MEGF9: variants seen among roughly 807,000 people sequenced by gnomAD.
MEGF9 encodes the protein multiple EGF like domains 9, also known as multiple epidermal growth factor-like domains protein 9.
Under a neutral mutation model 46.8 loss-of-function variants are expected in MEGF9, and 6 were observed. That is an observed-to-expected ratio of 0.13 (90% confidence interval 0.07 to 0.25). The LOEUF is 0.25. MEGF9 is among the 10% of genes least tolerant of loss of function. The pLI, the probability that MEGF9 is intolerant of heterozygous loss-of-function variation, is 1.00. For missense variants in MEGF9, 683 were observed against 792.4 expected, an observed-to-expected ratio of 0.86 and a Z score of 1.66; for synonymous variants, 302 against 330.7, an observed-to-expected ratio of 0.91 and a Z score of 0.94.
intron 3 of MEGF9, among the ~76,000 whole-genome samples, chr9:120,617,651 A>C (rs765330560): frequency 5.3e-5 from 8 of 152,238 alleles, no homozygotes; most frequent in Non-Finnish European, 1.0e-4. Context: ...TTACATTTTA[A>C]AAAGATTGCT....
intron 3 of MEGF9, among the ~76,000 whole-genome samples, chr9:120,619,711 T>C (rs1375727538): frequency 6.6e-6 from 1 of 152,236 alleles, no homozygotes; most frequent in African/African-American, 2.4e-5. Flanking sequence ...TTTAGAATTC[T>C]TTCCTTAGAA....
At chr9:120,699,380 T>C (rs2043892532) in intron 1 of MEGF9, among the ~76,000 whole-genome samples, 1 of 152,114 alleles carries the variant, frequency 6.6e-6, no homozygotes, top group Non-Finnish European at 1.5e-5. Context: ...TTTCATTTTC[T>C]ACAATGTTTA....
Position 120,604,202 on chromosome 9 carries a change from A to C in MEGF9, c.*988T>G, listed in dbSNP as rs1249188564. On this transcript the variant is annotated 3_prime_UTR_variant, in exon 6 of 6. Transcript: ENST00000373930. ...TATAACTCTACTTTTAGACTGAGAA[A>C]GGAAAGAAAGAAACATTCGACCTCT... 4 of 152,684 alleles carry C rather than the reference A, an allele frequency of 2.6e-5. No individual in the cohort carries two copies. Among genetic ancestry groups the C allele is most frequent in the Non-Finnish European group, 4.4e-5 (3 of 68,020 alleles). The allele number at this position is 152,684 out of a possible 1,614,324, so 9.5% of individuals were successfully genotyped here. A position where few individuals can be genotyped will look rare whatever the true frequency, so the allele number is the denominator to read the frequency against.
At chr9:120,673,657 C>A (rs1402303205) in intron 1 of MEGF9, among the ~76,000 whole-genome samples, 1 of 151,596 alleles carries the variant, frequency 6.6e-6, no homozygotes, top group Non-Finnish European at 1.5e-5. Context: ...TTGACATAAA[C>A]CACACCTTGT....
chr9:120,650,232 A>G (rs1216967494), intron 2 of MEGF9, among the ~76,000 whole-genome samples: 1 of 152,190 alleles, frequency 6.6e-6, no homozygotes, highest in African/African-American at 2.4e-5. Flanking sequence ...CCTCAAATCA[A>G]TGTGCAATTG....
chr9:120,696,615 A>G (rs1221295602), intron 1 of MEGF9, among the ~76,000 whole-genome samples: 2 of 152,218 alleles, frequency 1.3e-5, no homozygotes, highest in African/African-American at 4.8e-5. Context: ...TTTGAAGGAA[A>G]ATATAAGCCA....
intron 3 of MEGF9, among the ~76,000 whole-genome samples, chr9:120,615,289 ATG>A (rs953496588): frequency 7.3e-6 from 1 of 137,272 alleles, no homozygotes; most frequent in Non-Finnish European, 1.5e-5. Flanking sequence ...GTGTGTGTGC[ATG>A]TGTGTGTACA....
Position 120,605,310 on chromosome 9 carries a change from G to A in MEGF9, c.1689C>T (p.Ser563=), listed in dbSNP as rs1343847345. The A allele has an allele frequency of 2.5e-6, 4 of 1,613,896 alleles. No homozygotes were observed. Among genetic ancestry groups the A allele is most frequent in the East Asian group, 4.5e-5 (2 of 44,900 alleles). The change falls in exon 6 of 6, where the codon AGC becomes AGT. Residue 563 remains serine, a synonymous_variant. Transcript: ENST00000373930. The surrounding 1 kb of genome is among the most constrained non-coding windows in gnomAD (Gnocchi z 4.0). ...CATTGGGAATGCTGTCATGGTAGCT[G>A]CTGAAACTGATATTGTCTTCTTTCA... ...IELKEDNISF[S]SYHDSIPNAD... is the part of the protein sequence containing the mutation.
chr9:120,613,544 T>C (rs76769414), intron 3 of MEGF9, among the ~76,000 whole-genome samples: 5,159 of 151,954 alleles, frequency 0.034, 292 homozygotes, highest in African/African-American at 0.12. Context: ...TAGCTTTATA[T>C]ATTTAAAAAT....
chr9:120,611,582 G>A (rs2043445202), intron 4 of MEGF9, among the ~76,000 whole-genome samples: 1 of 152,080 alleles, frequency 6.6e-6, no homozygotes, highest in Non-Finnish European at 1.5e-5. Flanking sequence ...GGTTGCCTAA[G>A]GCCAGAGGAA....
rs989147489 is a variant in MEGF9, at chr9:120,700,967, A to T, written c.601+12791T>A. Among the ~76,000 whole-genome samples the T allele has an allele frequency of 5.9e-5, 9 of 151,286 alleles. No homozygotes were observed. In the South Asian group the frequency reaches 1.9e-3, roughly 32 times the overall value. On this transcript the variant is annotated intron_variant, in intron 1 of 5. Transcript: ENST00000373930. ...TTAATTTAAAAAATTAGTTTAAAAA[A>T]AATTAGCCGGGCATGGTGGTGCACG...
At chr9:120,689,174 C>T (rs933135337) in intron 1 of MEGF9, among the ~76,000 whole-genome samples, 9 of 152,126 alleles carry the variant, frequency 5.9e-5, no homozygotes, top group Non-Finnish European at 2.9e-5. Context: ...TGGAGAACCA[C>T]CTAATTCAGA....
intron 2 of MEGF9, among the ~76,000 whole-genome samples, chr9:120,642,362 T>C (rs897682239): frequency 4.6e-5 from 7 of 152,204 alleles, no homozygotes; most frequent in African/African-American, 1.7e-4. Flanking sequence ...ATTTTGCCTA[T>C]TCTATTTCAG....
chr9:120,691,192 T>C (rs758159702), intron 1 of MEGF9, among the ~76,000 whole-genome samples: 2 of 152,134 alleles, frequency 1.3e-5, no homozygotes, highest in Non-Finnish European at 2.9e-5. Flanking sequence ...CCATTTTTCA[T>C]TACTTGTCTC....
chr9:120,628,468 GTTT>G (rs1170322238), intron 2 of MEGF9, among the ~76,000 whole-genome samples: 919 of 68,976 alleles, frequency 0.013, 7 homozygotes, highest in African/African-American at 0.052. Flanking sequence ...TCTTGTCGTT[GTTT>G]TTTTTTTTTT....
chr9:120,693,286 AAAAAAAAAGAAGAAG>A (rs2043859123), intron 1 of MEGF9, among the ~76,000 whole-genome samples: 2 of 150,226 alleles, frequency 1.3e-5, no homozygotes, highest in African/African-American at 2.5e-5. Context: ...AAAAAAAAAA[AAAAAAAAAGAAGAAG>A]AAGAAGAAGA....
In MEGF9 at chr9:120,622,636, G is replaced by C. The variant is rs764587662; in HGVS notation, c.923C>G (p.Ala308Gly). 2.9e-5 allele frequency: 47 copies of C among 1,613,382 alleles called. No homozygotes were observed. The highest frequency in any genetic ancestry group is 3.3e-4 in the Middle Eastern group (2 of 6,082). ...CLPCQCNNRS[A>G]SCDALTGACL... ...CGTACCTGTGAGGGCATCGCAACTG[G>C]CAGACCGATTATTGCATTGGCAGGG... Residue 308 changes from alanine (A) to glycine (G), a missense_variant, in exon 3 of 6, where the codon GCC becomes GGC. Ala to Gly is a moderately conservative substitution (Grantham distance 60). This residue lies in a region of MEGF9 where 313 missense variants were observed against 421.1 expected (regional missense o/e 0.74). Transcript: ENST00000373930.
intron 3 of MEGF9, among the ~76,000 whole-genome samples, chr9:120,615,914 A>T (rs189390092): frequency 6.6e-4 from 101 of 152,278 alleles, no homozygotes; most frequent in African/African-American, 1.9e-3. Context: ...TAAATAAATT[A>T]AAAAAAGAAT....
At chr9:120,695,050 A>G (rs1220056725) in intron 1 of MEGF9, among the ~76,000 whole-genome samples, 27 of 150,940 alleles carry the variant, frequency 1.8e-4, no homozygotes, top group South Asian at 8.3e-4. Flanking sequence ...AAAAAAAAAA[A>G]AGAGAGAGAG....
Sources: gnomAD v4.1 joint callset for allele counts (sites outside exome capture counted in the v4.1 genomes callset) on GRCh38, gnomAD v4.1.1 for gene constraint, gnomAD v4.1.1 regional missense constraint, Gnocchi (gnomAD v3.1) non-coding constraint, MANE v1.5 for transcripts, NCBI Gene and HGNC (gene_info 2026-07-23, HGNC 2026-07-21) for gene names.